The following CRYBG1 variants were observed in gnomAD, a reference collection of about 807,000 sequenced individuals.
The protein encoded by CRYBG1 is crystallin beta-gamma domain containing 1.
In CRYBG1, 139 loss-of-function variants were observed where a neutral mutation model predicts 189.2. The ratio of observed to expected loss-of-function variants is 0.73; its 90% CI spans 0.64 to 0.85. The LOEUF is 0.85. CRYBG1 is among the 40% of genes least tolerant of loss of function. CRYBG1 has a pLI of 0.00. For synonymous variants in CRYBG1, 1,023 were observed against 1,017.1 expected, an observed-to-expected ratio of 1.01 and a Z score of -0.11; for missense variants, 2,611 against 2,675.8, an observed-to-expected ratio of 0.98 and a Z score of 0.53.
intron 17 of CRYBG1, among the ~76,000 whole-genome samples, chr6:106,556,335 T>G (rs1278743869): frequency 6.6e-6 from 1 of 152,246 alleles, no homozygotes; most frequent in African/African-American, 2.4e-5. Flanking sequence ...TGGGTTAATT[T>G]GTATTTCACT....
intron 2 of CRYBG1, among the ~76,000 whole-genome samples, chr6:106,475,341 C>A (rs1014725964): frequency 6.6e-6 from 1 of 152,048 alleles, no homozygotes. Flanking sequence ...CAAATGTACA[C>A]GAAAAAGTTA....
chr6:106,539,179 CA>C (rs1774073332), intron 8 of CRYBG1, among the ~76,000 whole-genome samples: 2 of 152,070 alleles, frequency 1.3e-5, no homozygotes, highest in Admixed American at 1.3e-4. Context: ...AATAAGGGGA[CA>C]AAGCCAGCCA....
intron 1 of CRYBG1, among the ~76,000 whole-genome samples, chr6:106,412,737 A>G (rs920797137): frequency 3.0e-4 from 45 of 152,336 alleles, no homozygotes; most frequent in Admixed American, 2.3e-3. Flanking sequence ...TAAGACAAAG[A>G]TTATTATCCT....
chr6:106,496,731 T>C (rs980920678), intron 2 of CRYBG1, among the ~76,000 whole-genome samples: 3 of 152,166 alleles, frequency 2.0e-5, no homozygotes, highest in Non-Finnish European at 4.4e-5. Flanking sequence ...GCCAGGCTGA[T>C]CATTTTGAAG....
At chr6:106,364,410 C>T (rs1771942035) in intron 1 of CRYBG1, among the ~76,000 whole-genome samples, 1 of 152,024 alleles carries the variant, frequency 6.6e-6, no homozygotes, top group Admixed American at 6.6e-5. Context: ...TCGTATTCTG[C>T]AAATATTTGT....
intron 3 of CRYBG1, among the ~76,000 whole-genome samples, chr6:106,515,081 A>G (rs1357002763): frequency 6.6e-6 from 1 of 152,242 alleles, no homozygotes; most frequent in East Asian, 1.9e-4. Flanking sequence ...TTCCTGAAAA[A>G]TGACACTGAA....
chr6:106,497,129 T>G (rs1772868824), intron 2 of CRYBG1, among the ~76,000 whole-genome samples: 1 of 152,102 alleles, frequency 6.6e-6, no homozygotes, highest in Non-Finnish European at 1.5e-5. Context: ...CTGACACATA[T>G]AGTCCTAACC....
rs1434803059 is a variant in CRYBG1, at chr6:106,560,854, A to T, written c.5907A>T (p.Ser1969=). 6.2e-7 allele frequency: 1 copy of T among 1,613,374 alleles called. No homozygotes were observed. The highest frequency in any genetic ancestry group is 1.7e-5 in the Admixed American group (1 of 59,850). Residue 1969 remains serine (S), a synonymous_variant, in exon 19 of 22, where the codon TCA becomes TCT. Coordinates refer to ENST00000633556, the MANE Select transcript of CRYBG1 (RefSeq NM_001371242.2). ...GSYRGRQFLL[S]PAEVPNWYEF... ...ACAGAGGGCGACAGTTCCTATTGTCACCTGCAGAAGTACCTAATTGGTATG... is the reference window on the plus strand; with the variant it reads ...ACAGAGGGCGACAGTTCCTATTGTCTCCTGCAGAAGTACCTAATTGGTATG...
At chr6:106,527,794 TG>T (rs1404466666) in intron 7 of CRYBG1, among the ~76,000 whole-genome samples, 1 of 152,214 alleles carries the variant, frequency 6.6e-6, no homozygotes, top group African/African-American at 2.4e-5. Context: ...TTAGTGTTTT[TG>T]TTTGCTGTAT....
intron 20 of CRYBG1, among the ~76,000 whole-genome samples, 193 bp from the exon 21 acceptor site, chr6:106,563,571 C>T (rs1165732229): frequency 6.6e-6 from 1 of 152,210 alleles, no homozygotes; most frequent in Non-Finnish European, 1.5e-5. Context: ...TCCCATCATT[C>T]GTGTCATCTG....
At chr6:106,490,835 C>T (rs1206356626) in intron 2 of CRYBG1, among the ~76,000 whole-genome samples, 1 of 152,206 alleles carries the variant, frequency 6.6e-6, no homozygotes, top group Non-Finnish European at 1.5e-5. Context: ...TTCCCTTTCT[C>T]ACACTCTGTG....
In CRYBG1 at chr6:106,561,516, C is replaced by A; in HGVS notation, c.6138+16C>A. 6.2e-7 allele frequency: 1 copy of A among 1,605,262 alleles called. No homozygotes were observed. Among genetic ancestry groups the A allele is most frequent in the Non-Finnish European group, 8.5e-7 (1 of 1,174,406 alleles). On this transcript the variant is annotated intron_variant, in intron 20 of 21. Coordinates refer to ENST00000633556, the MANE Select transcript of CRYBG1 (RefSeq NM_001371242.2). Reference sequence around the variant, plus strand: ...CAAATGCAGGGTGAGCTTTAGGATTCCACGGGGGCCTGTGATGGCTTTGCT... The same window carrying A: ...CAAATGCAGGGTGAGCTTTAGGATTACACGGGGGCCTGTGATGGCTTTGCT...
Position 106,512,175 on chromosome 6 carries a change from A to C in CRYBG1, c.1058A>C (p.His353Pro), listed in dbSNP as rs1562095750. ...GAGCCTCCGGCCGAGGGCGCAGCGC[A>C]CACGGCCAGCTCCGCGCAGGCAGAC... is the stretch of plus-strand genomic sequence containing the variant. ...PGEPPAEGAA[H>P]TASSAQADCT... Residue 353 changes from histidine (H) to proline (P), a missense_variant, in exon 3 of 22, where the codon CAC becomes CCC. Physicochemically the swap from His to Pro is moderately conservative, Grantham distance 77 (BLOSUM62 -2). This residue lies in a region of CRYBG1 where 985 missense variants were observed against 924.4 expected (regional missense o/e 1.07). Transcript: ENST00000633556. 1 of 1,534,866 alleles carries C rather than the reference A, an allele frequency of 6.5e-7. No homozygotes were observed. Among genetic ancestry groups the C allele is most frequent in the Non-Finnish European group, 8.7e-7 (1 of 1,146,134 alleles).
Position 106,474,948 on chromosome 6 carries a change from G to A in CRYBG1, c.312+23116G>A, listed in dbSNP as rs113946456. 7.9e-3 allele frequency among the ~76,000 whole-genome samples: 1,205 copies of A among 152,256 alleles called. 11 individuals are homozygous for A. Among genetic ancestry groups the A allele is most frequent in the African/African-American group, 0.027 (1,132 of 41,528 alleles). ...TTCTTATTTCCCTTTTGCCACCAAT[G>A]TTGGGGGAAAACAGGTAGATTTTTT... On this transcript the variant is annotated intron_variant, in intron 2 of 21. Coordinates refer to ENST00000633556, the MANE Select transcript of CRYBG1 (RefSeq NM_001371242.2).
chr6:106,467,315 T>TA (rs1340487405), intron 2 of CRYBG1, among the ~76,000 whole-genome samples: 1 of 151,680 alleles, frequency 6.6e-6, no homozygotes, highest in Non-Finnish European at 1.5e-5. Context: ...CTCCAAAAAC[T>TA]AAAAAAATTA....
At chr6:106,541,409 C>G in intron 9 of CRYBG1, 177 bp from the exon 10 acceptor site, 1 of 694,898 alleles carries the variant, frequency 1.4e-6, no homozygotes, top group East Asian at 2.7e-5. Context: ...TTCTAGCCTG[C>G]CTTCCTCGTG....
At chr6:106,503,797 C>T (rs1357097240) in intron 2 of CRYBG1, among the ~76,000 whole-genome samples, 2 of 151,890 alleles carry the variant, frequency 1.3e-5, no homozygotes, top group East Asian at 1.9e-4. Flanking sequence ...AATACCAACC[C>T]GAAACTGGGA....
At chr6:106,363,827 T>G (rs1236859078) in intron 1 of CRYBG1, among the ~76,000 whole-genome samples, 1 of 152,192 alleles carries the variant, frequency 6.6e-6, no homozygotes, top group African/African-American at 2.4e-5. Context: ...AGGGTTGTCA[T>G]GAATATTAAA....
intron 1 of CRYBG1, among the ~76,000 whole-genome samples, chr6:106,424,251 C>G (rs1419083614): frequency 2.0e-5 from 3 of 151,328 alleles, no homozygotes; most frequent in Non-Finnish European, 4.4e-5. Context: ...CTATTTGGCA[C>G]CCTCTTTGAA....
Sources: gnomAD v4.1 joint callset for allele counts (sites outside exome capture counted in the v4.1 genomes callset) on GRCh38, gnomAD v4.1.1 for gene constraint, gnomAD v4.1.1 regional missense constraint, MANE v1.5 for transcripts, NCBI Gene and HGNC (gene_info 2026-07-23, HGNC 2026-07-21) for gene names.